The following PML variants were observed in gnomAD, a reference collection of about 807,000 sequenced individuals.
The protein encoded by PML is PML nuclear body scaffold.
PML carries 28 observed loss-of-function variants against 65.2 expected under a neutral mutation model. The ratio of observed to expected loss-of-function variants is 0.43; its 90% CI spans 0.32 to 0.59. The LOEUF is 0.59. PML is among the 20% of genes least tolerant of loss of function. The pLI, the probability that PML is intolerant of heterozygous loss-of-function variation, is 0.08. For synonymous variants in PML, 500 were observed against 508.8 expected (o/e 0.98, Z 0.23); for missense variants, 1,021 against 1,203.4 (o/e 0.85, Z 2.24).
chr15:74,034,201 T>C, intron 6 of PML: 1 of 519,112 alleles, frequency 1.9e-6, no homozygotes, highest in Non-Finnish European at 3.5e-6. Context: ...TCAGGCCTCC[T>C]GTACAGGGGG....
At position 74,037,527 on chromosome 15, in the gene PML, C is replaced by G. The variant is rs1302973007; in HGVS notation, c.1710+2997C>G. 3 of 985,370 alleles carry G rather than the reference C, an allele frequency of 3.0e-6. No individual in the cohort carries two copies. The highest frequency in any genetic ancestry group is 4.7e-5 in the South Asian group (1 of 21,274). The allele number at this position is 985,370 out of a possible 1,614,324, so 61.0% of individuals were successfully genotyped here. ...TCCACCCACTTCTCTCTCCAGCTGTCGGCTCCCCTTCCTCTGCTCTCCTTG... is the reference window on the plus strand; with the variant it reads ...TCCACCCACTTCTCTCTCCAGCTGTGGGCTCCCCTTCCTCTGCTCTCCTTG... On this transcript the variant is annotated intron_variant, in intron 7 of 8. Transcript: ENST00000268058. This position sits in a 1 kb window ranked among gnomAD's most constrained non-coding sequence, Gnocchi z 4.2.
At chr15:74,010,285 G>T (rs897162416) in intron 2 of PML, among the ~76,000 whole-genome samples, 3 of 144,666 alleles carry the variant, frequency 2.1e-5, no homozygotes, top group Non-Finnish European at 3.0e-5. Context: ...CACCTGCCTG[G>T]GCCTCCCGAA....
In PML at chr15:74,044,559, C is replaced by A; in HGVS notation, c.2200C>A (p.Leu734Met). The change falls in exon 9 of 9, where the codon CTG (leucine) becomes ATG (methionine). Residue 734 changes from leucine (L) to methionine (M), a missense_variant. Physicochemically the swap from Leu to Met is conservative, Grantham distance 15. Transcript: ENST00000268058. ...ACTCAAGAACCTGGCCCAGACCTAC[C>A]TGGCGAGAAACATGAGCGAGCGCAG... is the stretch of plus-strand genomic sequence containing the variant. Reference protein sequence around the residue: ...FKLKNLAQTYLARNMSERSAM... With the variant: ...FKLKNLAQTYMARNMSERSAM... 1 of 1,613,016 alleles carries A rather than the reference C, an allele frequency of 6.2e-7. No homozygotes were observed. Among genetic ancestry groups the A allele is most frequent in the East Asian group, 2.2e-5 (1 of 44,886 alleles).
intron 2 of PML, among the ~76,000 whole-genome samples, chr15:74,011,081 T>C (rs2070312627): frequency 6.6e-6 from 1 of 152,228 alleles, no homozygotes; most frequent in African/African-American, 2.4e-5. Context: ...ACTTTCTCTG[T>C]ATTTCTTGTG....
intron 2 of PML, among the ~76,000 whole-genome samples, chr15:74,000,012 T>C (rs1404229930): frequency 3.3e-5 from 5 of 152,038 alleles, no homozygotes; most frequent in African/African-American, 1.2e-4. Context: ...TTTTTTGGCA[T>C]TTTTAGTAGA....
chr15:74,040,647 C>G (rs1302362815), intron 7 of PML, among the ~76,000 whole-genome samples: 2 of 152,156 alleles, frequency 1.3e-5, no homozygotes, highest in East Asian at 1.9e-4. Context: ...TAAGGCGGAG[C>G]AGGGGAGAAT....
Position 74,042,707 on chromosome 15 carries a change from A to T in PML, c.1711-282A>T. The T allele has an allele frequency of 1.0e-6, 1 of 985,356 alleles. No homozygotes were observed. The highest frequency in any genetic ancestry group is 1.2e-6 in the Non-Finnish European group (1 of 829,908). The allele number at this position is 985,356 out of a possible 1,614,324, so 61.0% of individuals were successfully genotyped here. On this transcript the variant is annotated intron_variant, in intron 7 of 8. Transcript: ENST00000268058. This position sits in a 1 kb window ranked among gnomAD's most constrained non-coding sequence, Gnocchi z 5.3. ...ACACACAGATTTAGCACTTGGATTC[A>T]TTCCCACACATGCACGTTCACAACC...
At chr15:74,022,367 C>G (rs946287990) in intron 2 of PML, among the ~76,000 whole-genome samples, 1 of 152,144 alleles carries the variant, frequency 6.6e-6, no homozygotes, top group African/African-American at 2.4e-5. Flanking sequence ...ATATGTATAA[C>G]GACAATTCTC....
rs1391648936 is a variant in PML at position 74,042,136 on chromosome 15, G to A, written c.1711-853G>A. Among the ~76,000 whole-genome samples, 1 of 152,242 alleles carries A rather than the reference G, an allele frequency of 6.6e-6. No individual in the cohort carries two copies. The highest frequency in any genetic ancestry group is 1.5e-5 in the Non-Finnish European group (1 of 68,040). ...AGTCCCTTGGGAAAATCTCAGAGCT[G>A]GAGCCCTTCCCTCATCCTCTGGCTC... On this transcript the variant is annotated intron_variant, in intron 7 of 8. Transcript: ENST00000268058. This position sits in a 1 kb window ranked among gnomAD's most constrained non-coding sequence, Gnocchi z 5.3.
In PML at chr15:74,023,051, G is replaced by A. The variant is rs1346612667; in HGVS notation, c.826G>A (p.Glu276Lys). ...GCTGGGCCGCGCGCGTGCCGAGACC[G>A]AGGAGCTGATCCGCGAGCGCGTGCG... ...GQLGRARAET[E>K]ELIRERVRQV... Residue 276 changes from glutamate (E) to lysine (K), a missense_variant, in exon 3 of 9, where the codon GAG becomes AAG. By Grantham distance (56) the Glu-to-Lys change is moderately conservative. Coordinates refer to ENST00000268058, the MANE Select transcript of PML (RefSeq NM_033238.3). The A allele has an allele frequency of 1.2e-6, 2 of 1,604,018 alleles. No individual in the cohort carries two copies. Among genetic ancestry groups the A allele is most frequent in the Non-Finnish European group, 8.5e-7 (1 of 1,178,396 alleles).
rs568065544 is a variant in PML at position 74,035,571 on chromosome 15, C to T, written c.1710+1041C>T. 13 of 1,611,480 alleles carry T rather than the reference C, an allele frequency of 8.1e-6. No individual in the cohort carries two copies. The highest frequency in any genetic ancestry group is 1.1e-5 in the Non-Finnish European group (13 of 1,179,738). On this transcript the variant is annotated intron_variant, in intron 7 of 8. Transcript: ENST00000268058. The surrounding 1 kb of genome is among the most constrained non-coding windows in gnomAD (Gnocchi z 4.1). ...TCCTGCCATCACAGGGCCCCTCAAC[C>T]ATCCTGCCAATGCCCAGGAACATCC...
rs775084546 is a variant in PML, at chr15:74,024,853, A to G, written c.1184-4A>G. 3 of 1,611,530 alleles carry G rather than the reference A, an allele frequency of 1.9e-6. No homozygotes were observed. Among genetic ancestry groups the G allele is most frequent in the South Asian group, 1.1e-5 (1 of 91,044 alleles). On this transcript the variant is annotated splice_region_variant and splice_polypyrimidine_tract_variant and intron_variant, in intron 3 of 8. Transcript: ENST00000268058. ...CTGCCTGTGACCTTCTTTGTGTTCTACAGATGCAGCTGTATCCAAGAAAGC... is the reference window on the plus strand; with the variant it reads ...CTGCCTGTGACCTTCTTTGTGTTCTGCAGATGCAGCTGTATCCAAGAAAGC...
rs78340702 is a variant in PML at position 74,035,215 on chromosome 15, C to T, written c.1710+685C>T. On this transcript the variant is annotated intron_variant, in intron 7 of 8. Transcript: ENST00000268058. This position sits in a 1 kb window ranked among gnomAD's most constrained non-coding sequence, Gnocchi z 4.1. ...ACCGCCGAGCCACAGTCCTCGCCAG[C>T]CCACTCCTCGCCAGCCCACTCCTCG... 990 of 1,516,732 alleles carry T rather than the reference C, an allele frequency of 6.5e-4. 2 individuals carry two copies. The Middle Eastern group carries it at 8.2e-3, about 13-fold the overall frequency. 94.0% of individuals were successfully genotyped at this position (1,516,732 alleles called of 1,614,324 possible). A position where few individuals can be genotyped will look rare whatever the true frequency, so the allele number is the denominator to read the frequency against.
At chr15:73,996,331 G>A (rs975054616) in intron 1 of PML, among the ~76,000 whole-genome samples, 6 of 152,074 alleles carry the variant, frequency 3.9e-5, no homozygotes, top group South Asian at 2.1e-4. Flanking sequence ...GATTACCAGC[G>A]GAAAACCCAT....
At chr15:74,016,122 C>T (rs1007617358) in intron 2 of PML, among the ~76,000 whole-genome samples, 1 of 151,952 alleles carries the variant, frequency 6.6e-6, no homozygotes, top group Non-Finnish European at 1.5e-5. Context: ...ACTAAAAATA[C>T]AAAAATTAGC....
At position 74,033,261 on chromosome 15, in the gene PML, G is replaced by T. The variant is rs897508286; in HGVS notation, c.1504G>T (p.Ala502Ser). 1.4e-5 allele frequency: 23 copies of T among 1,614,112 alleles called. No individual in the cohort carries two copies. The highest frequency in any genetic ancestry group is 1.8e-5 in the Non-Finnish European group (21 of 1,180,034). The change falls in exon 6 of 9, where the codon GCT (alanine) becomes TCT (serine). Residue 502 changes from alanine to serine, a missense_variant. Transcript: ENST00000268058. ...ESEEGKEARL[A>S]RSSPEQPRPS... ...TGAGGAGGGGAAGGAGGCAAGGTTG[G>T]CTCGGAGCTCCCCGGAGCAGCCCAG...
At chr15:74,044,110 C>A in intron 8 of PML, 111 bp from the exon 9 acceptor site, 1 of 1,037,296 alleles carries the variant, frequency 9.6e-7, no homozygotes, top group Non-Finnish European at 1.5e-6. Flanking sequence ...GCCAGCAGAC[C>A]CCAAGGTGAG....
intron 6 of PML, 56 bp downstream of exon 6, chr15:74,033,470 G>GC (rs760137647): frequency 1.3e-6 from 2 of 1,597,372 alleles, no homozygotes; most frequent in Non-Finnish European, 1.7e-6. Context: ...TCTGGGCGGT[G>GC]CCCCTCTTCT....
chr15:74,044,310 AAG>A lies in PML; in HGVS notation c.1952_1953del (p.Lys651SerfsTer44). On this transcript the variant is annotated frameshift_variant, in exon 9 of 9. Coordinates refer to ENST00000268058, the MANE Select transcript of PML (RefSeq NM_033238.3). LOFTEE classifies it low-confidence loss of function (END_TRUNC). Reference sequence around the variant, plus strand: ...TGAAGCCTTCTTCAGCATCTACTCCAAGGCCGTGTCCCTGGAGGTGGGGCTGC... The same window carrying A: ...TGAAGCCTTCTTCAGCATCTACTCCAGCCGTGTCCCTGGAGGTGGGGCTGC... The part of the protein sequence containing the change: ...QPEAFFSIYS[K>X]AVSLEVGLQH... 2.5e-6 allele frequency: 4 copies of A among 1,614,090 alleles called. No homozygotes were observed. The highest frequency in any genetic ancestry group is 3.4e-6 in the Non-Finnish European group (4 of 1,180,016).
Sources: allele counts gnomAD v4.1 joint callset (sites outside exome capture counted in the v4.1 genomes callset), GRCh38; gene constraint gnomAD v4.1.1; non-coding constraint Gnocchi (gnomAD v3.1); transcripts MANE v1.5; gene names NCBI Gene and HGNC (gene_info 2026-07-23, HGNC 2026-07-21).